Variants in TSGA10 observed in about 807,000 individuals in gnomAD.
The protein encoded by TSGA10 is testis specific 10.
A neutral mutation model predicts 96.6 loss-of-function variants in TSGA10; 43 were observed. The observed-to-expected ratio is 0.44, with a 90% CI of 0.35 to 0.57. The LOEUF (loss-of-function observed/expected upper bound fraction) is 0.57, where lower values mean the gene tolerates loss of function less well. TSGA10 is among the 20% of genes least tolerant of loss of function. TSGA10 has a pLI of 0.01. For missense variants in TSGA10, 703 were observed against 834.4 expected (o/e 0.84, Z 1.94); for synonymous variants, 229 against 269.9 (o/e 0.85, Z 1.48).
chr2:99,075,411 A>G (rs2086586636), intron 12 of TSGA10, among the ~76,000 whole-genome samples: 1 of 152,202 alleles, frequency 6.6e-6, no homozygotes, highest in South Asian at 2.1e-4. Flanking sequence ...TTACCCAAAA[A>G]TCTATGAAGT....
chr2:99,001,937 A>G (rs918767773), intron 20 of TSGA10, among the ~76,000 whole-genome samples: 2 of 152,216 alleles, frequency 1.3e-5, no homozygotes, highest in African/African-American at 2.4e-5. Context: ...GTTTAGAGAA[A>G]AAAGAATAAA....
chr2:99,127,160 T>A lies in TSGA10; in HGVS notation c.-604A>T, dbSNP rs1393528760. On this transcript the variant is annotated 5_prime_UTR_variant, in exon 2 of 21. It removes an upstream start codon present in the reference 5' UTR. Coordinates refer to ENST00000393483, the MANE Select transcript of TSGA10 (RefSeq NM_025244.4). ...AACTGGAGCCCCTAGACCAAAATCA[T>A]ATTCTTTGGTGGTAACCTAGTACAA... is the stretch of plus-strand genomic sequence containing the variant. 1 of 1,287,722 alleles carries A rather than the reference T, an allele frequency of 7.8e-7. No individual in the cohort carries two copies. Among genetic ancestry groups the A allele is most frequent in the Non-Finnish European group, 1.0e-6 (1 of 988,262 alleles). The allele number at this position is 1,287,722 out of a possible 1,614,324, so 79.8% of individuals were successfully genotyped here. A position where few individuals can be genotyped will look rare whatever the true frequency, so the allele number is the denominator to read the frequency against.
At chr2:99,145,955 C>A (rs2093627685) in intron 1 of TSGA10, among the ~76,000 whole-genome samples, 1 of 151,834 alleles carries the variant, frequency 6.6e-6, no homozygotes, top group Admixed American at 6.6e-5. Context: ...AACACAGTGA[C>A]ACCCTGTCTC....
Position 99,073,065 on chromosome 2 carries a change from G to C in TSGA10, c.891C>G (p.Thr297=). 6.3e-7 allele frequency: 1 copy of C among 1,595,376 alleles called. No homozygotes were observed. The highest frequency in any genetic ancestry group is 8.6e-7 in the Non-Finnish European group (1 of 1,166,926). Residue 297 remains threonine (T), a synonymous_variant, in exon 13 of 21, where the codon ACC becomes ACG. Transcript: ENST00000393483. ...CAATGATATTCTTCATGCCTGAAAT[G>C]GTCTTTTCCTTGAAAAATAATATAA... ...LGESLAMKEK[T]ISGMKNIIAE...
At chr2:99,109,338 CCAGTGTCTGGG>C in intron 6 of TSGA10, 40 bp downstream of exon 6, 1 of 1,550,200 alleles carries the variant, frequency 6.5e-7, no homozygotes, top group Non-Finnish European at 8.9e-7. Context: ...AGAATAAAAG[CCAGTGTCTGGG>C]CAACAAACTC....
At chr2:99,039,778 ATATCAC>A (rs1445725703) in intron 16 of TSGA10, among the ~76,000 whole-genome samples, 10 of 152,182 alleles carry the variant, frequency 6.6e-5, no homozygotes, top group African/African-American at 2.4e-4. Flanking sequence ...TATGAAGCCA[ATATCAC>A]ACTAATACCA....
intron 12 of TSGA10, among the ~76,000 whole-genome samples, chr2:99,078,364 C>G (rs1000594410): frequency 1.3e-5 from 2 of 150,926 alleles, no homozygotes; most frequent in Non-Finnish European, 2.9e-5. Context: ...AAATCAGTCT[C>G]ACTACTTTAT....
intron 7 of TSGA10, among the ~76,000 whole-genome samples, chr2:99,106,469 TAC>T (rs1476819090): frequency 1.3e-5 from 2 of 152,114 alleles, no homozygotes; most frequent in Admixed American, 1.3e-4. Flanking sequence ...TTCAGTCATG[TAC>T]AGTGCTCCCT....
chr2:99,067,718 T>C (rs1328520066), intron 15 of TSGA10, among the ~76,000 whole-genome samples: 1 of 152,012 alleles, frequency 6.6e-6, no homozygotes, highest in African/African-American at 2.4e-5. Context: ...CCGGGCATGG[T>C]TGCATGCACC....
intron 1 of TSGA10, chr2:99,141,548 A>C: frequency 1.1e-5 from 1 of 92,524 alleles, no homozygotes. Context: ...TTCCTGGCCC[A>C]TCCGCGCCGC....
intron 1 of TSGA10, among the ~76,000 whole-genome samples, chr2:99,138,916 A>C (rs147254556): frequency 6.6e-6 from 1 of 152,336 alleles, no homozygotes; most frequent in East Asian, 1.9e-4. Context: ...TGAGGTAATA[A>C]GAGGAAACCC....
intron 10 of TSGA10, among the ~76,000 whole-genome samples, chr2:99,087,318 C>T (rs965984178): frequency 6.6e-6 from 1 of 151,904 alleles, no homozygotes; most frequent in Non-Finnish European, 1.5e-5. Flanking sequence ...ACCAGCCTGA[C>T]CAACGTGGAG....
At chr2:99,103,443 A>G (rs527564300) in intron 10 of TSGA10, among the ~76,000 whole-genome samples, 14 of 152,340 alleles carry the variant, frequency 9.2e-5, no homozygotes, top group Non-Finnish European at 1.9e-4. Context: ...GGCTGCTTCA[A>G]TTGATACATC....
intron 1 of TSGA10, chr2:99,141,912 T>A (rs945913893): frequency 6.6e-6 from 1 of 152,402 alleles, no homozygotes; most frequent in African/African-American, 2.4e-5. Context: ...CGCTGCAGCC[T>A]GCAGGGAGCG....
chr2:99,117,519 TC>T, intron 4 of TSGA10, 24 bp downstream of exon 4: 1 of 966,998 alleles, frequency 1.0e-6, no homozygotes, highest in Non-Finnish European at 1.2e-6. Flanking sequence ...AAAATTAAAA[TC>T]CTTATCCGTG....
rs181228002 is a variant in TSGA10 at position 99,002,909 on chromosome 2, G to C, written c.2073-4688C>G. Among the ~76,000 whole-genome samples, 1,318 of 151,926 alleles carry C rather than the reference G, an allele frequency of 8.7e-3. 10 individuals carry two copies. Among genetic ancestry groups the C allele is most frequent in the Non-Finnish European group, 0.014 (927 of 67,968 alleles). On this transcript the variant is annotated intron_variant, in intron 20 of 20. Coordinates refer to ENST00000393483, the MANE Select transcript of TSGA10 (RefSeq NM_025244.4). ...GAGTCTCACTCTGTCGCCCAGGCTG[G>C]AGTGCAGTGGTGCGATCTTGGCTCA...
At chr2:99,078,225 C>T (rs1215081773) in intron 12 of TSGA10, among the ~76,000 whole-genome samples, 2 of 143,732 alleles carry the variant, frequency 1.4e-5, no homozygotes, top group Non-Finnish European at 3.0e-5. Flanking sequence ...AAGCCGAGAT[C>T]GCGCTACTGC....
intron 15 of TSGA10, among the ~76,000 whole-genome samples, chr2:99,065,896 G>A (rs2085212903): frequency 6.6e-6 from 1 of 152,002 alleles, no homozygotes; most frequent in Non-Finnish European, 1.5e-5. Context: ...GAAATAAGGA[G>A]GGAAAAAAAT....
At chr2:99,087,643 G>A (rs907611448) in intron 10 of TSGA10, among the ~76,000 whole-genome samples, 1 of 152,136 alleles carries the variant, frequency 6.6e-6, no homozygotes, top group Non-Finnish European at 1.5e-5. Flanking sequence ...AGCTGTCATC[G>A]CACCACTACT....
Sources: allele counts gnomAD v4.1 joint callset (sites outside exome capture counted in the v4.1 genomes callset), GRCh38; gene constraint gnomAD v4.1.1; transcripts MANE v1.5; gene names NCBI Gene and HGNC (gene_info 2026-07-23, HGNC 2026-07-21).